The following GSN variants were observed in gnomAD, a reference collection of about 807,000 sequenced individuals.
GSN encodes the protein actin-depolymerizing factor.
GSN carries 56 observed loss-of-function variants against 85.7 expected under a neutral mutation model. That is an observed-to-expected ratio of 0.65 (90% CI 0.53 to 0.82). The LOEUF is 0.82. Among genes scored for constraint, GSN ranks in the 40% least tolerant of loss-of-function variants. The pLI is 0.00. For synonymous variants in GSN, 373 were observed against 399.1 expected, an observed-to-expected ratio of 0.93 and a Z score of 0.78; for missense variants, 857 against 979.8, an observed-to-expected ratio of 0.87 and a Z score of 1.67.
chr9:121,290,123 C>G (rs1029950486), intron 2 of GSN, among the ~76,000 whole-genome samples: 49 of 151,942 alleles, frequency 3.2e-4, no homozygotes, highest in Non-Finnish European at 5.3e-4. Context: ...GTGGTTGGGT[C>G]CTGCCTCCAA....
chr9:121,284,688 G>C (rs1451581568), intron 2 of GSN: 1 of 167,278 alleles, frequency 6.0e-6, no homozygotes, highest in East Asian at 1.9e-4. Context: ...GGGTTGAGGT[G>C]GGGAGCTGGT....
intron 2 of GSN, chr9:121,282,131 G>C (rs555702452): frequency 1.1e-5 from 5 of 468,890 alleles, no homozygotes; most frequent in South Asian, 1.9e-5. Flanking sequence ...GTGGGGAGGT[G>C]GGGGGAGGAG....
In GSN at chr9:121,299,893, T is replaced by C; in HGVS notation, c.-9-2070T>C. On this transcript the variant is annotated intron_variant, in intron 2 of 17. Coordinates refer to ENST00000432226, the MANE Select transcript of GSN (RefSeq NM_198252.3). This position sits in a 1 kb window ranked among gnomAD's most constrained non-coding sequence, Gnocchi z 4.2. ...CCGCACCGCCCCGCGCCCGCGCTGC[T>C]TTGCGCGCTGTCCCTGGCGCTGTGC... The C allele has an allele frequency of 2.3e-6, 3 of 1,319,430 alleles. No individual in the cohort carries two copies. Among genetic ancestry groups the C allele is most frequent in the Non-Finnish European group, 2.9e-6 (3 of 1,025,338 alleles). The allele number at this position is 1,319,430 out of a possible 1,614,324, so 81.7% of individuals were successfully genotyped here. A position where few individuals can be genotyped will look rare whatever the true frequency, so the allele number is the denominator to read the frequency against.
chr9:121,224,472 C>G (rs2054235156), intron 4 of GSN, among the ~76,000 whole-genome samples: 1 of 151,996 alleles, frequency 6.6e-6, no homozygotes, highest in Admixed American at 6.6e-5. Context: ...TTACTTTGTT[C>G]CTCTTCCTCT....
intron 2 of GSN, among the ~76,000 whole-genome samples, chr9:121,295,800 T>G (rs909810205): frequency 6.6e-6 from 1 of 152,154 alleles, no homozygotes; most frequent in Non-Finnish European, 1.5e-5. Flanking sequence ...GATCCAGGAA[T>G]AGCCGAGATC....
Position 121,332,484 on chromosome 9 carries a change from A to T in GSN, c.2077A>T (p.Ile693Phe), listed in dbSNP as rs1334747086. ...DPANRDRRTP[I>F]TVVKQGFEPP... is the part of the protein sequence containing the mutation. ...AGCCAATCGGGATCGGCGGACGCCC[A>T]TCACCGTGGTGAAGCAAGGCTTTGA... Residue 693 changes from isoleucine (I) to phenylalanine (F), a missense_variant, in exon 18 of 18, where the codon ATC (isoleucine) becomes TTC (phenylalanine). By Grantham distance (21) the Ile-to-Phe change is conservative (BLOSUM62 0). Transcript: ENST00000432226. This position sits in a 1 kb window ranked among gnomAD's most constrained non-coding sequence, Gnocchi z 4.8. 4 of 1,613,938 alleles carry T rather than the reference A, an allele frequency of 2.5e-6. No homozygotes were observed. The highest frequency in any genetic ancestry group is 3.4e-6 in the Non-Finnish European group (4 of 1,179,946).
chr9:121,244,371 C>T (rs1045537182), intron 5 of GSN, among the ~76,000 whole-genome samples: 25 of 152,070 alleles, frequency 1.6e-4, no homozygotes, highest in African/African-American at 5.1e-4. Context: ...GATTGTTGGC[C>T]GTATTATAAA....
chr9:121,318,493 A>G lies in GSN; in HGVS notation c.974A>G (p.Gln325Arg). The G allele has an allele frequency of 6.2e-7, 1 of 1,604,738 alleles. No homozygotes were observed. Among genetic ancestry groups the G allele is most frequent in the Non-Finnish European group, 8.5e-7 (1 of 1,171,428 alleles). Residue 325 changes from glutamine (Q) to arginine (R), a missense_variant and splice_region_variant, in exon 9 of 18, where the codon CAG becomes CGG. Coordinates refer to ENST00000432226, the MANE Select transcript of GSN (RefSeq NM_198252.3). The surrounding 1 kb of genome is among the most constrained non-coding windows in gnomAD (Gnocchi z 4.3). The part of the protein sequence containing the change: ...ITKMDYPKQT[Q>R]VSVLPEGGET... ...AAGATGGACTACCCCAAGCAGACTC[A>G]GGTGAGTCTTGGAGGCCAGGTAGGA...
At chr9:121,221,448 T>C (rs375540564) in intron 4 of GSN, among the ~76,000 whole-genome samples, 30 of 152,290 alleles carry the variant, frequency 2.0e-4, no homozygotes, top group Non-Finnish European at 3.8e-4. Context: ...AGTGAAGACT[T>C]TCTACAGTGC....
chr9:121,224,431 G>T (rs1174915456), intron 4 of GSN, among the ~76,000 whole-genome samples: 1 of 152,100 alleles, frequency 6.6e-6, no homozygotes, highest in Non-Finnish European at 1.5e-5. Context: ...GAATTCAAGG[G>T]TTATGCAAAG....
intron 2 of GSN, among the ~76,000 whole-genome samples, chr9:121,301,730 A>T (rs889315416): frequency 4.6e-5 from 7 of 152,018 alleles, no homozygotes; most frequent in Non-Finnish European, 7.4e-5. Flanking sequence ...AGAGGGGCTG[A>T]GTAGGAGGGA....
intron 6 of GSN, among the ~76,000 whole-genome samples, chr9:121,251,106 A>G (rs762216295): frequency 4.6e-5 from 7 of 150,826 alleles, no homozygotes; most frequent in South Asian, 2.1e-4. Context: ...GATTACAGGC[A>G]TGAGCCACTG....
chr9:121,282,090 T>C (rs965172519), intron 2 of GSN: 1 of 464,992 alleles, frequency 2.2e-6, no homozygotes, highest in Non-Finnish European at 4.4e-6. Context: ...CCCACCTGAC[T>C]ATCAGATTCA....
At chr9:121,286,559 T>A (rs1452945154) in intron 2 of GSN, 5 of 1,446,914 alleles carry the variant, frequency 3.5e-6, no homozygotes, top group Non-Finnish European at 4.5e-6. Flanking sequence ...CCCTCCTCCG[T>A]GGCTCTGTTG....
chr9:121,250,863 C>G (rs909489842), intron 6 of GSN, among the ~76,000 whole-genome samples: 20 of 132,688 alleles, frequency 1.5e-4, no homozygotes, highest in African/African-American at 1.7e-4. Flanking sequence ...GCTTATCATG[C>G]CTGCTTGGGG....
intron 4 of GSN, among the ~76,000 whole-genome samples, chr9:121,217,365 CA>C (rs34095254): frequency 2.2e-3 from 294 of 136,256 alleles, no homozygotes; most frequent in African/African-American, 5.3e-3. Context: ...AACTCCGTCT[CA>C]AAAAAAAAAA....
chr9:121,226,431 G>A lies in GSN; in HGVS notation c.-527-4734G>A, dbSNP rs549503897. Among the ~76,000 whole-genome samples the A allele has an allele frequency of 6.6e-5, 10 of 152,334 alleles. No individual in the cohort carries two copies. In the South Asian group the frequency reaches 2.1e-3, roughly 32 times the overall value. Reference sequence around the variant, plus strand: ...TGACTGAGTCATAGGGGATGAGGTGGCAGGGAGGTGTTCAGAAAGGTCCTC... The same window carrying A: ...TGACTGAGTCATAGGGGATGAGGTGACAGGGAGGTGTTCAGAAAGGTCCTC... On this transcript the variant is annotated intron_variant, in intron 4 of 24. Coordinates refer to the GSN transcript ENST00000373823.
At position 121,328,851 on chromosome 9, in the gene GSN, G is replaced by A. The variant is rs759088361; in HGVS notation, c.1763-40G>A. The A allele has an allele frequency of 9.3e-6, 15 of 1,605,206 alleles. No individual in the cohort carries two copies. In the East Asian group the frequency reaches 3.3e-4, roughly 36 times the overall value. Reference sequence around the variant, plus strand: ...GTCCGATGAGATGGGAGAGAGGGGTGATGGCGTCCCTTGGCAACTGGCGTG... The same window carrying A: ...GTCCGATGAGATGGGAGAGAGGGGTAATGGCGTCCCTTGGCAACTGGCGTG... On this transcript the variant is annotated intron_variant, in intron 14 of 17. Coordinates refer to ENST00000432226, the MANE Select transcript of GSN (RefSeq NM_198252.3).
rs770905678 is a variant in GSN, at chr9:121,299,879, C to G, written c.-9-2084C>G. 3.8e-5 allele frequency: 50 copies of G among 1,324,182 alleles called. No individual in the cohort carries two copies. In the South Asian group the frequency reaches 5.6e-4, roughly 15 times the overall value. The allele number at this position is 1,324,182 out of a possible 1,614,324, so 82.0% of individuals were successfully genotyped here. ...TCGCCACCATGGCTCCGCACCGCCC[C>G]GCGCCCGCGCTGCTTTGCGCGCTGT... On this transcript the variant is annotated intron_variant, in intron 2 of 17. Transcript: ENST00000432226. The surrounding 1 kb of genome is among the most constrained non-coding windows in gnomAD (Gnocchi z 4.2).
Sources: gnomAD v4.1 joint callset for allele counts (sites outside exome capture counted in the v4.1 genomes callset) on GRCh38, gnomAD v4.1.1 for gene constraint, Gnocchi (gnomAD v3.1) non-coding constraint, MANE v1.5 for transcripts, NCBI Gene and HGNC (gene_info 2026-07-23, HGNC 2026-07-21) for gene names.